CFAP46: variants seen among roughly 807,000 people sequenced by gnomAD.
CFAP46 encodes cilia- and flagella-associated protein 46.
CFAP46 carries 245 observed loss-of-function variants against 325.7 expected under a neutral mutation model. That is an observed-to-expected ratio of 0.75 (90% CI 0.68 to 0.84). The LOEUF is 0.84. Among genes scored for constraint, CFAP46 ranks in the 40% least tolerant of loss-of-function variants. CFAP46 has a pLI of 0.00. For missense variants in CFAP46, 3,346 were observed against 3,543.0 expected (o/e 0.94, Z 1.41); for synonymous variants, 1,523 against 1,495.9 (o/e 1.02, Z -0.42).
At chr10:132,906,841 T>C (rs4396206) in intron 22 of CFAP46, among the ~76,000 whole-genome samples, 37,788 of 103,762 alleles carry the variant, frequency 0.36, 8,186 homozygotes, top group Admixed American at 0.5. Context: ...GGTCTTGGCG[T>C]GTGATGCCCC....
In CFAP46 at chr10:132,942,012, G is replaced by C. The variant is rs1297658610; in HGVS notation, c.142C>G (p.Leu48Val). 1.3e-6 allele frequency: 2 copies of C among 1,551,908 alleles called. No individual in the cohort carries two copies. The highest frequency in any genetic ancestry group is 2.4e-5 in the South Asian group (2 of 84,062). ...FDPSESFSPD[L>V]FVLCAEQALK... ...GCCTGCTCTGCACACAGAACAAACA[G>C]GTCTGGGCTGAAGCTCTCTGAGGGG... is the stretch of plus-strand genomic sequence containing the variant. The change falls in exon 2 of 58, where the codon CTG becomes GTG. Residue 48 changes from leucine (L) to valine (V), a missense_variant. Leu to Val is a conservative substitution (Grantham distance 32, BLOSUM62 1). Coordinates refer to ENST00000368586, the MANE Select transcript of CFAP46 (RefSeq NM_001200049.3).
At chr10:132,914,904 C>G (rs1380771241) in intron 17 of CFAP46, among the ~76,000 whole-genome samples, 2 of 152,238 alleles carry the variant, frequency 1.3e-5, no homozygotes, top group Admixed American at 6.5e-5. Context: ...CTCCCTTCTG[C>G]CCAAGTGAGC....
intron 26 of CFAP46, among the ~76,000 whole-genome samples, 188 bp downstream of exon 26, chr10:132,885,633 T>TG (rs542390065): frequency 4.3e-5 from 1 of 23,216 alleles, no homozygotes; most frequent in Admixed American, 6.2e-4. Context: ...TCACAGGTGA[T>TG]GGGGGGAGCA....
At chr10:132,882,879 C>G (rs1020935142) in intron 27 of CFAP46, among the ~76,000 whole-genome samples, 5 of 152,044 alleles carry the variant, frequency 3.3e-5, no homozygotes, top group African/African-American at 1.2e-4. Context: ...GGCCTTGGCC[C>G]TGATGGGAGG....
intron 46 of CFAP46, 55 bp downstream of exon 46, chr10:132,836,087 C>T (rs1390007447): frequency 1.3e-5 from 18 of 1,376,394 alleles, no homozygotes; most frequent in Admixed American, 7.8e-5. Flanking sequence ...TCCCCACTCT[C>T]GCCCATGCTC....
At chr10:132,903,773 G>A (rs1849420733) in intron 22 of CFAP46, among the ~76,000 whole-genome samples, 1 of 152,062 alleles carries the variant, frequency 6.6e-6, no homozygotes. Context: ...ATAAATATAT[G>A]ATATGTGAAT....
At chr10:132,833,233 C>T (rs543115064) in intron 50 of CFAP46, 125 bp downstream of exon 50, 10 of 968,068 alleles carry the variant, frequency 1.0e-5, no homozygotes, top group South Asian at 3.5e-5. Context: ...GAATAAATGC[C>T]TAGAAAAATG....
At chr10:132,845,534 G>A (rs1848418993) in intron 44 of CFAP46, among the ~76,000 whole-genome samples, 1 of 152,208 alleles carries the variant, frequency 6.6e-6, no homozygotes, top group African/African-American at 2.4e-5. Flanking sequence ...GGCCCCATTA[G>A]GCCATGCTTG....
At chr10:132,873,078 C>T (rs1848915455) in intron 31 of CFAP46, among the ~76,000 whole-genome samples, 1 of 152,070 alleles carries the variant, frequency 6.6e-6, no homozygotes, top group Non-Finnish European at 1.5e-5. Context: ...AACATCAGCA[C>T]CCAAGTATGA....
intron 47 of CFAP46, 144 bp downstream of exon 47, chr10:132,835,160 A>G: frequency 8.9e-7 from 1 of 1,120,464 alleles, no homozygotes; most frequent in Non-Finnish European, 1.2e-6. Context: ...GGAGTTGGGC[A>G]GTGCCCGGGT....
chr10:132,848,053 C>G (rs1306936672), intron 41 of CFAP46, among the ~76,000 whole-genome samples: 3 of 152,252 alleles, frequency 2.0e-5, no homozygotes, highest in South Asian at 2.1e-4. Flanking sequence ...ACACGCCGTT[C>G]AGACGTGTGC....
rs1850089221 is a variant in CFAP46 at position 132,940,990 on chromosome 10, G to A, written c.371+6C>T. 6.2e-7 allele frequency: 1 copy of A among 1,614,056 alleles called. No homozygotes were observed. The highest frequency in any genetic ancestry group is 1.3e-5 in the African/African-American group (1 of 75,038). On this transcript the variant is annotated splice_donor_region_variant and intron_variant, in intron 4 of 57. Coordinates refer to ENST00000368586, the MANE Select transcript of CFAP46 (RefSeq NM_001200049.3). ...AGTGAGAAACGGCCACTTCAATTTT[G>A]CCTACCTCGGTTCTCCTTTGGCAAA...
rs1006189827 is a variant in CFAP46, at chr10:132,913,125, T to C, written c.2254A>G (p.Ile752Val). Residue 752 changes from isoleucine (I) to valine (V), a missense_variant, in exon 18 of 58, where the codon ATC (isoleucine) becomes GTC (valine). Ile to Val is a conservative substitution (Grantham distance 29, BLOSUM62 3). Transcript: ENST00000368586. The part of the protein sequence containing the change: ...VYVLNHNHHL[I>V]LAGRQKELVD... Reference sequence around the variant, plus strand: ...AGCTCCTTCTGCCGCCCGGCCAGGATCAGGTGGTGGTTGTGGTTCAGGACG... The same window carrying C: ...AGCTCCTTCTGCCGCCCGGCCAGGACCAGGTGGTGGTTGTGGTTCAGGACG... 1.1e-5 allele frequency: 17 copies of C among 1,550,368 alleles called. No homozygotes were observed. The African/African-American group carries it at 1.9e-4, about 17-fold the overall frequency.
At chr10:132,931,072 C>T (rs1849892273) in intron 8 of CFAP46, among the ~76,000 whole-genome samples, 1 of 99,474 alleles carries the variant, frequency 1.0e-5, no homozygotes, top group Non-Finnish European at 2.1e-5. Context: ...CCTCCCTCCT[C>T]TCCACACAGA....
intron 50 of CFAP46, among the ~76,000 whole-genome samples, chr10:132,820,669 T>A (rs369847461): frequency 7.4e-6 from 1 of 135,316 alleles, no homozygotes; most frequent in African/African-American, 2.9e-5. Context: ...GTGTGCTGTG[T>A]GTGCACTGAT....
At chr10:132,853,309 T>C (rs183522176) in intron 39 of CFAP46, among the ~76,000 whole-genome samples, 37 of 152,358 alleles carry the variant, frequency 2.4e-4, no homozygotes, top group Non-Finnish European at 4.4e-4. Context: ...AAGATGATCA[T>C]ATGGTTTTTG....
chr10:132,831,557 G>A (rs183891453), intron 50 of CFAP46, among the ~76,000 whole-genome samples: 1 of 152,114 alleles, frequency 6.6e-6, no homozygotes, highest in East Asian at 1.9e-4. Flanking sequence ...ATCTCACCAT[G>A]CCAACCTTCT....
chr10:132,885,937 G>T lies in CFAP46; in HGVS notation c.3327C>A (p.Leu1109=). 1 of 1,550,226 alleles carries T rather than the reference G, an allele frequency of 6.5e-7. No homozygotes were observed. The highest frequency in any genetic ancestry group is 8.7e-7 in the Non-Finnish European group (1 of 1,146,806). ...AGAGCAGGCCGTAGAGCGCAGCACG[G>T]AGCGCCAGGTCGTCCTCAGCCCCTG... ...FLPGAEDDLA[L]RAALYGLLFH... is the part of the protein sequence containing the mutation. Residue 1109 remains leucine (L), a synonymous_variant, in exon 26 of 58, where the codon CTC becomes CTA. Transcript: ENST00000368586.
chr10:132,810,833 C>T lies in CFAP46; in HGVS notation c.7583+117G>A, dbSNP rs570339508. 3.2e-6 allele frequency: 3 copies of T among 931,398 alleles called. No homozygotes were observed. In the African/African-American group the frequency reaches 4.9e-5, roughly 15 times the overall value. 57.7% of individuals were successfully genotyped at this position (931,398 alleles called of 1,614,324 possible). The stretch of plus-strand genomic sequence containing the variant: ...CTGGAACGCATGTGCACCCTGACAG[C>T]TCTCACCGTTCTTGAAACCCGACCC... On this transcript the variant is annotated intron_variant, in intron 56 of 57. Transcript: ENST00000368586.
Sources: allele counts gnomAD v4.1 joint callset (sites outside exome capture counted in the v4.1 genomes callset), GRCh38; gene constraint gnomAD v4.1.1; transcripts MANE v1.5; gene names NCBI Gene and HGNC (gene_info 2026-07-23, HGNC 2026-07-21).